Variants in FBXW11 observed in about 807,000 individuals in gnomAD.
FBXW11 encodes F-box/WD repeat-containing protein 11.
FBXW11 carries 19 observed loss-of-function variants against 77.6 expected under a neutral mutation model. That is an observed-to-expected ratio of 0.24 (90% confidence interval 0.17 to 0.36). The LOEUF (loss-of-function observed/expected upper bound fraction) is 0.36. Among genes scored for constraint, FBXW11 ranks in the 10% least tolerant of loss-of-function variants. The pLI is 1.00. For missense variants in FBXW11, 334 were observed against 704.2 expected (o/e 0.47, Z 5.95); for synonymous variants, 235 against 249.4 (o/e 0.94, Z 0.54).
chr5:171,930,741 AAAAAAT>A (rs1236972322), intron 2 of FBXW11, among the ~76,000 whole-genome samples: 23 of 96,168 alleles, frequency 2.4e-4, no homozygotes, highest in East Asian at 1.9e-3. Context: ...AATAAAAAAT[AAAAAAT>A]AAAAAATAAA....
rs1345791073 is a variant in FBXW11, at chr5:171,904,554, T to G, written c.437-4454A>C. On this transcript the variant is annotated intron_variant, in intron 4 of 13. Transcript: ENST00000517395. This position sits in a 1 kb window ranked among gnomAD's most constrained non-coding sequence, Gnocchi z 4.0. ...ATCTCTAGACGGTAAGGCCCAGGAATCTGGGTGTGGTTTTTTTGTTGTTGT... is the reference window on the plus strand; with the variant it reads ...ATCTCTAGACGGTAAGGCCCAGGAAGCTGGGTGTGGTTTTTTTGTTGTTGT... Among the ~76,000 whole-genome samples, 1 of 152,060 alleles carries G rather than the reference T, an allele frequency of 6.6e-6. No homozygotes were observed. Among genetic ancestry groups the G allele is most frequent in the Non-Finnish European group, 1.5e-5 (1 of 67,988 alleles).
chr5:171,930,345 C>T (rs1762104542), intron 2 of FBXW11, among the ~76,000 whole-genome samples: 1 of 152,314 alleles, frequency 6.6e-6, no homozygotes, highest in Admixed American at 6.5e-5. Context: ...AAGTTGACAC[C>T]TTCCCACTAA....
intron 2 of FBXW11, among the ~76,000 whole-genome samples, chr5:171,955,562 T>C (rs1763564589): frequency 6.6e-6 from 1 of 152,172 alleles, no homozygotes; most frequent in Non-Finnish European, 1.5e-5. Flanking sequence ...GGCATTAAAA[T>C]AATACTTAAA....
chr5:171,921,428 A>C (rs1761592121), intron 2 of FBXW11, among the ~76,000 whole-genome samples: 1 of 152,240 alleles, frequency 6.6e-6, no homozygotes, highest in South Asian at 2.1e-4. Context: ...CACAGGATTC[A>C]GACCTAAGCC....
chr5:171,903,307 C>T (rs977576021), intron 4 of FBXW11, among the ~76,000 whole-genome samples: 4 of 152,074 alleles, frequency 2.6e-5, no homozygotes, highest in Non-Finnish European at 4.4e-5. Flanking sequence ...CTATATTGCC[C>T]GGGGTGGTCT....
chr5:171,873,202 G>A (rs1757862042), intron 9 of FBXW11, among the ~76,000 whole-genome samples: 1 of 152,192 alleles, frequency 6.6e-6, no homozygotes, highest in Non-Finnish European at 1.5e-5. Context: ...ATGAAACACG[G>A]AGGGAAGTGA....
chr5:171,967,883 TACACACACACACACACACAC>T (rs59469025), intron 1 of FBXW11, among the ~76,000 whole-genome samples: 4 of 74,986 alleles, frequency 5.3e-5, no homozygotes, highest in African/African-American at 1.8e-4. Context: ...TATATATATA[TACACACACACACACACACAC>T]ACACACACAC....
chr5:171,888,938 T>C (rs1759106440), intron 7 of FBXW11, among the ~76,000 whole-genome samples: 1 of 152,096 alleles, frequency 6.6e-6, no homozygotes, highest in Admixed American at 6.5e-5. Context: ...GATGAAAAAT[T>C]CAGTCAACTT....
chr5:171,963,651 A>G (rs1465912555), intron 1 of FBXW11, among the ~76,000 whole-genome samples: 1 of 152,222 alleles, frequency 6.6e-6, no homozygotes, highest in Non-Finnish European at 1.5e-5. Flanking sequence ...AGAGGAATAG[A>G]AACAGATCAT....
At chr5:171,977,477 A>G (rs1764902718) in intron 1 of FBXW11, among the ~76,000 whole-genome samples, 1 of 152,156 alleles carries the variant, frequency 6.6e-6, no homozygotes, top group Non-Finnish European at 1.5e-5. Context: ...GACAAAACAG[A>G]TATGATCCTC....
intron 1 of FBXW11, among the ~76,000 whole-genome samples, chr5:172,005,908 C>T (rs1243385846): frequency 6.6e-6 from 1 of 151,432 alleles, no homozygotes; most frequent in Non-Finnish European, 1.5e-5. Flanking sequence ...AGCCTCAAAC[C>T]CGAAAGCTCC....
At chr5:171,914,040 T>C (rs1042899821) in intron 3 of FBXW11, among the ~76,000 whole-genome samples, 2 of 152,194 alleles carry the variant, frequency 1.3e-5, no homozygotes, top group African/African-American at 4.8e-5. Flanking sequence ...TGTGGCATGG[T>C]GCCATTCTGG....
At chr5:171,899,176 T>C (rs1759948512) in intron 5 of FBXW11, 82 bp from the exon 6 acceptor site, 2 of 881,206 alleles carry the variant, frequency 2.3e-6, no homozygotes, top group Non-Finnish European at 3.5e-6. Context: ...GACAAAGATA[T>C]ATCTTTCATG....
chr5:171,950,242 C>CA (rs535573446), intron 2 of FBXW11, among the ~76,000 whole-genome samples: 98 of 152,040 alleles, frequency 6.4e-4, no homozygotes, highest in Non-Finnish European at 1.2e-3. Context: ...AAATGATATT[C>CA]AGGGGTTATG....
At chr5:171,961,848 T>C (rs1042324104) in intron 1 of FBXW11, among the ~76,000 whole-genome samples, 4 of 152,198 alleles carry the variant, frequency 2.6e-5, no homozygotes, top group Non-Finnish European at 5.9e-5. Context: ...GGTTTCACCA[T>C]GTTGGCCAGG....
chr5:171,878,199 C>G (rs553833415), intron 7 of FBXW11, 70 bp from the exon 8 acceptor site: 17 of 1,059,386 alleles, frequency 1.6e-5, no homozygotes, highest in Non-Finnish European at 2.4e-5. Flanking sequence ...ACTGTCCCAC[C>G]TTATGTTCTG....
At chr5:171,978,480 C>A (rs1764962942) in intron 1 of FBXW11, among the ~76,000 whole-genome samples, 1 of 152,108 alleles carries the variant, frequency 6.6e-6, no homozygotes, top group Admixed American at 6.6e-5. Context: ...GAAGGAATTC[C>A]CAACAGAACC....
intron 2 of FBXW11, among the ~76,000 whole-genome samples, chr5:171,945,691 C>T (rs1005491677): frequency 2.6e-5 from 4 of 152,122 alleles, no homozygotes; most frequent in Non-Finnish European, 4.4e-5. Flanking sequence ...CAAGTAGAAA[C>T]GTATCACATT....
At chr5:171,938,549 G>A (rs1345508962) in intron 2 of FBXW11, among the ~76,000 whole-genome samples, 1 of 152,216 alleles carries the variant, frequency 6.6e-6, no homozygotes, top group African/African-American at 2.4e-5. Flanking sequence ...TGTATTTCTG[G>A]TGGGAAGGCA....
Sources: gnomAD v4.1 joint callset for allele counts (sites outside exome capture counted in the v4.1 genomes callset) on GRCh38, gnomAD v4.1.1 for gene constraint, Gnocchi (gnomAD v3.1) non-coding constraint, MANE v1.5 for transcripts, NCBI Gene and HGNC (gene_info 2026-07-23, HGNC 2026-07-21) for gene names.